Variants in PRKN observed in about 807,000 individuals in gnomAD.
PRKN encodes the protein parkin RBR E3 ubiquitin protein ligase.
In PRKN, 56 loss-of-function variants were observed where a neutral mutation model predicts 59.5. The ratio of observed to expected loss-of-function variants is 0.94; its 90% CI spans 0.76 to 1.18. The LOEUF (loss-of-function observed/expected upper bound fraction) is 1.18. PRKN is among the 50% of genes most tolerant of loss of function. The probability of loss-of-function intolerance (pLI) is 0.00; values close to 1 mark genes in which losing one functional copy is unlikely to be tolerated. For missense variants in PRKN, 657 were observed against 596.4 expected, an observed-to-expected ratio of 1.10 and a Z score of -1.06; for synonymous variants, 250 against 222.1, an observed-to-expected ratio of 1.13 and a Z score of -1.12.
chr6:162,585,585 T>C (rs2128212742), intron 1 of PRKN, among the ~76,000 whole-genome samples: 1 of 152,338 alleles, frequency 6.6e-6, no homozygotes, highest in East Asian at 1.9e-4. Flanking sequence ...TTTACATGCG[T>C]ACATATGAAT....
Position 161,544,959 on chromosome 6 carries a change from A to C in PRKN, c.1083+3895T>G, listed in dbSNP as rs147502049. Reference sequence around the variant, plus strand: ...AAAGACACAGAAGCCTTCAAATGGAAAGGATATACAACAGAAACCACAGCT... The same window carrying C: ...AAAGACACAGAAGCCTTCAAATGGACAGGATATACAACAGAAACCACAGCT... On this transcript the variant is annotated intron_variant, in intron 9 of 11. Coordinates refer to ENST00000366898, the MANE Select transcript of PRKN (RefSeq NM_004562.3). This position sits in a 1 kb window ranked among gnomAD's most constrained non-coding sequence, Gnocchi z 5.5. Among the ~76,000 whole-genome samples the C allele has an allele frequency of 2.6e-4, 40 of 152,316 alleles. No homozygotes were observed. The East Asian group carries it at 7.1e-3, about 27-fold the overall frequency.
Position 161,448,070 on chromosome 6 carries a change from AC to A in PRKN, c.1084-61194del, listed in dbSNP as rs1475621221. Among the ~76,000 whole-genome samples the A allele has an allele frequency of 2.0e-5, 3 of 152,110 alleles. No individual in the cohort carries two copies. The highest frequency in any genetic ancestry group is 3.9e-4 in the East Asian group (2 of 5,190). On this transcript the variant is annotated intron_variant, in intron 9 of 11. Transcript: ENST00000366898. This position sits in a 1 kb window ranked among gnomAD's most constrained non-coding sequence, Gnocchi z 5.1. The stretch of plus-strand genomic sequence containing the variant: ...TCTCTTTATAATAAAATGCTAAGCA[AC>A]CCCCTTAGAGTGAAGTCAACAGTAG...
At chr6:162,239,436 T>C (rs1778892351) in intron 3 of PRKN, among the ~76,000 whole-genome samples, 1 of 152,152 alleles carries the variant, frequency 6.6e-6, no homozygotes, top group Non-Finnish European at 1.5e-5. Flanking sequence ...AAAGGTTTCA[T>C]TTTTTCCATT....
At chr6:162,573,092 T>C (rs1451573891) in intron 1 of PRKN, among the ~76,000 whole-genome samples, 1 of 152,216 alleles carries the variant, frequency 6.6e-6, no homozygotes, top group African/African-American at 2.4e-5. Flanking sequence ...TACAATTACA[T>C]TTTTCACTTT....
chr6:161,447,059 G>A lies in PRKN; in HGVS notation c.1084-60182C>T, dbSNP rs1456717957. On this transcript the variant is annotated intron_variant, in intron 9 of 11. Transcript: ENST00000366898. This position sits in a 1 kb window ranked among gnomAD's most constrained non-coding sequence, Gnocchi z 4.1. Reference sequence around the variant, plus strand: ...AGGTGACTTCTTAATGATCTTTAAGGAAAGAAGTCAATACAAGGAAAATAT... The same window carrying A: ...AGGTGACTTCTTAATGATCTTTAAGAAAAGAAGTCAATACAAGGAAAATAT... Among the ~76,000 whole-genome samples the A allele has an allele frequency of 1.3e-5, 2 of 152,116 alleles. No individual in the cohort carries two copies. The highest frequency in any genetic ancestry group is 2.4e-5 in the African/African-American group (1 of 41,426).
chr6:162,049,770 G>A (rs1191335081), intron 5 of PRKN, among the ~76,000 whole-genome samples: 5 of 152,104 alleles, frequency 3.3e-5, no homozygotes, highest in African/African-American at 1.2e-4. Context: ...GCTATTGATA[G>A]TTAAATTTCT....
chr6:161,799,858 T>A (rs1285135164), intron 6 of PRKN, among the ~76,000 whole-genome samples: 1 of 152,220 alleles, frequency 6.6e-6, no homozygotes, highest in African/African-American at 2.4e-5. Context: ...GTAAGAGGGT[T>A]TGCAGGGAAG....
intron 2 of PRKN, among the ~76,000 whole-genome samples, chr6:162,367,152 G>A (rs1238206050): frequency 1.3e-5 from 2 of 152,052 alleles, no homozygotes; most frequent in Admixed American, 6.6e-5. Flanking sequence ...GGTTTTATCA[G>A]GGACTTTTTC....
Position 162,211,170 on chromosome 6 carries a change from C to T in PRKN, c.413-9918G>A, listed in dbSNP as rs537490650. Among the ~76,000 whole-genome samples the T allele has an allele frequency of 5.3e-5, 8 of 152,176 alleles. No individual in the cohort carries two copies. In the South Asian group the frequency reaches 1.7e-3, roughly 32 times the overall value. ...ATACTGTAGGGGACTGATTCCATGG[C>T]TCTTGCAAAGTGGCACTTACACACA... On this transcript the variant is annotated intron_variant, in intron 3 of 11. Transcript: ENST00000366898.
intron 7 of PRKN, among the ~76,000 whole-genome samples, chr6:161,722,150 G>A (rs1178561775): frequency 1.3e-5 from 2 of 151,918 alleles, no homozygotes; most frequent in African/African-American, 2.4e-5. Context: ...CTCCCAACAT[G>A]CACACAAACC....
At chr6:162,478,453 A>G (rs780343470) in intron 1 of PRKN, among the ~76,000 whole-genome samples, 5 of 152,170 alleles carry the variant, frequency 3.3e-5, no homozygotes, top group Non-Finnish European at 7.3e-5. Context: ...TCTAACACAG[A>G]GCTTGCAATG....
intron 2 of PRKN, among the ~76,000 whole-genome samples, chr6:162,275,799 G>A (rs1349423965): frequency 6.7e-6 from 1 of 149,854 alleles, no homozygotes; most frequent in African/African-American, 2.5e-5. Flanking sequence ...AAAAAAAAAC[G>A]AAATTACAGA....
At chr6:161,902,560 A>ATTTTTTTT (rs752868786) in intron 6 of PRKN, among the ~76,000 whole-genome samples, 1 of 125,328 alleles carries the variant, frequency 8.0e-6, no homozygotes, top group Non-Finnish European at 1.6e-5. Context: ...TTATTTATTT[A>ATTTTTTTT]TTTATTTTTT....
At chr6:161,706,103 TC>T (rs970390002) in intron 7 of PRKN, among the ~76,000 whole-genome samples, 3 of 151,650 alleles carry the variant, frequency 2.0e-5, no homozygotes, top group African/African-American at 7.3e-5. Context: ...TCCCCTCCTT[TC>T]CCCCCACATC....
chr6:161,936,934 C>T (rs1025218620), intron 6 of PRKN, among the ~76,000 whole-genome samples: 1 of 152,000 alleles, frequency 6.6e-6, no homozygotes, highest in African/African-American at 2.4e-5. Context: ...TATGGGCGCT[C>T]ACCATCATGC....
intron 2 of PRKN, among the ~76,000 whole-genome samples, chr6:162,311,248 C>G (rs1158178584): frequency 6.6e-6 from 1 of 152,002 alleles, no homozygotes; most frequent in Admixed American, 6.6e-5. Context: ...TTTGTTGTAG[C>G]AAAGAAAAAT....
chr6:162,356,067 G>C (rs927021842), intron 2 of PRKN, among the ~76,000 whole-genome samples: 1 of 151,980 alleles, frequency 6.6e-6, no homozygotes, highest in Non-Finnish European at 1.5e-5. Flanking sequence ...AGGGCACTGT[G>C]GGCACTTTAC....
At position 161,397,370 on chromosome 6, in the gene PRKN, C is replaced by T. The variant is rs532155794; in HGVS notation, c.1084-10493G>A. On this transcript the variant is annotated intron_variant, in intron 9 of 11. Coordinates refer to ENST00000366898, the MANE Select transcript of PRKN (RefSeq NM_004562.3). The surrounding 1 kb of genome is among the most constrained non-coding windows in gnomAD (Gnocchi z 4.2). ...TTGAATTGAGTATTCTTGTGTAAGT[C>T]TTAAGGGTCCCATAGAAGAGATCCA... Among the ~76,000 whole-genome samples, 3 of 152,288 alleles carry T rather than the reference C, an allele frequency of 2.0e-5. No individual in the cohort carries two copies. In the East Asian group the frequency reaches 5.8e-4, roughly 29 times the overall value.
At chr6:161,795,088 G>A (rs1357857083) in intron 6 of PRKN, among the ~76,000 whole-genome samples, 2 of 151,848 alleles carry the variant, frequency 1.3e-5, no homozygotes, top group Non-Finnish European at 2.9e-5. Context: ...GTTTCACCAA[G>A]CTAGCCAGGA....
Sources: gnomAD v4.1 joint callset for allele counts (sites outside exome capture counted in the v4.1 genomes callset) on GRCh38, gnomAD v4.1.1 for gene constraint, Gnocchi (gnomAD v3.1) non-coding constraint, MANE v1.5 for transcripts, NCBI Gene and HGNC (gene_info 2026-07-23, HGNC 2026-07-21) for gene names.